The following PRDM5 variants were observed in gnomAD, a reference collection of about 807,000 sequenced individuals.
PRDM5 encodes the protein PR domain zinc finger protein 5.
Under a neutral mutation model 81.2 loss-of-function variants are expected in PRDM5, and 56 were observed. That is an observed-to-expected ratio of 0.69 (90% confidence interval 0.56 to 0.86). The LOEUF (loss-of-function observed/expected upper bound fraction) is 0.86, where lower values mean the gene tolerates loss of function less well. Among genes scored for constraint, PRDM5 ranks in the 40% least tolerant of loss-of-function variants. PRDM5 has a pLI of 0.00. For missense variants in PRDM5, 697 were observed against 770.1 expected, an observed-to-expected ratio of 0.91 and a Z score of 1.12; for synonymous variants, 267 against 256.4, an observed-to-expected ratio of 1.04 and a Z score of -0.39.
intron 1 of PRDM5, among the ~76,000 whole-genome samples, chr4:120,908,544 C>T (rs1460386713): frequency 2.0e-5 from 3 of 152,140 alleles, no homozygotes; most frequent in African/African-American, 7.2e-5. Flanking sequence ...CTCCTGAGAA[C>T]AGTAAAATTT....
At chr4:120,784,142 T>G (rs1749426962) in intron 11 of PRDM5, among the ~76,000 whole-genome samples, 1 of 152,108 alleles carries the variant, frequency 6.6e-6, no homozygotes, top group South Asian at 2.1e-4. Context: ...CTTCAGCATC[T>G]AAACAGAGAA....
intron 1 of PRDM5, among the ~76,000 whole-genome samples, chr4:120,917,153 G>C (rs1724271661): frequency 6.6e-6 from 1 of 152,108 alleles, no homozygotes; most frequent in Non-Finnish European, 1.5e-5. Context: ...CTCCTCAACT[G>C]CTTGCTCATT....
At chr4:120,834,485 C>A (rs1757113080) in intron 3 of PRDM5, among the ~76,000 whole-genome samples, 1 of 152,180 alleles carries the variant, frequency 6.6e-6, no homozygotes, top group East Asian at 1.9e-4. Context: ...TGATCTTGGA[C>A]TTCCCAACCT....
At chr4:120,919,697 T>C (rs1015833570) in intron 1 of PRDM5, among the ~76,000 whole-genome samples, 1 of 152,232 alleles carries the variant, frequency 6.6e-6, no homozygotes, top group African/African-American at 2.4e-5. Flanking sequence ...TTAATCTGCA[T>C]AATACTTTGC....
chr4:120,847,844 T>C (rs997315284), intron 3 of PRDM5, among the ~76,000 whole-genome samples: 3 of 152,116 alleles, frequency 2.0e-5, no homozygotes, highest in African/African-American at 7.2e-5. Flanking sequence ...TACCGCTGGG[T>C]GAGACATGGA....
At chr4:120,831,850 G>T (rs1033476304) in intron 3 of PRDM5, among the ~76,000 whole-genome samples, 1 of 152,076 alleles carries the variant, frequency 6.6e-6, no homozygotes, top group Admixed American at 6.6e-5. Flanking sequence ...AATGTTTGAA[G>T]TATCAAGTCT....
intron 15 of PRDM5, among the ~76,000 whole-genome samples, chr4:120,697,205 A>G (rs1168749375): frequency 1.3e-5 from 2 of 152,286 alleles, no homozygotes; most frequent in East Asian, 3.9e-4. Flanking sequence ...ATACACAAAC[A>G]CTATTTTAAG....
At chr4:120,861,823 AAGG>A (rs1760634825) in intron 2 of PRDM5, among the ~76,000 whole-genome samples, 1 of 152,098 alleles carries the variant, frequency 6.6e-6, no homozygotes, top group African/African-American at 2.4e-5. Flanking sequence ...AACAAAAAAA[AAGG>A]AGAAGATGCT....
chr4:120,791,365 T>C (rs1214297035), intron 10 of PRDM5, among the ~76,000 whole-genome samples: 2 of 152,212 alleles, frequency 1.3e-5, no homozygotes, highest in Non-Finnish European at 2.9e-5. Context: ...GAATGATACA[T>C]ATGTGTCATA....
At chr4:120,807,124 G>A (rs549887814) in intron 8 of PRDM5, among the ~76,000 whole-genome samples, 22 of 152,326 alleles carry the variant, frequency 1.4e-4, no homozygotes, top group Non-Finnish European at 3.1e-4. Flanking sequence ...GGCCATCAGA[G>A]AAATGCAAAT....
chr4:120,704,891 T>C (rs539995246), intron 15 of PRDM5, among the ~76,000 whole-genome samples: 1 of 152,234 alleles, frequency 6.6e-6, no homozygotes, highest in South Asian at 2.1e-4. Flanking sequence ...ATGGCTCAGC[T>C]GGGGAAGTGA....
At chr4:120,719,397 C>T (rs557914231) in intron 14 of PRDM5, among the ~76,000 whole-genome samples, 6 of 152,276 alleles carry the variant, frequency 3.9e-5, no homozygotes, top group Admixed American at 6.5e-5. Flanking sequence ...ACAGCAATGC[C>T]AAAATGCTGT....
At chr4:120,731,443 T>A (rs1221768861) in intron 14 of PRDM5, among the ~76,000 whole-genome samples, 1 of 151,150 alleles carries the variant, frequency 6.6e-6, no homozygotes, top group Non-Finnish European at 1.5e-5. Flanking sequence ...GAGATGTCAG[T>A]TAAAGCAATA....
chr4:120,695,120 A>C lies in PRDM5; in HGVS notation c.1884T>G (p.Ala628=). Residue 628 remains alanine, a synonymous_variant, in exon 16 of 16, where the codon GCT becomes GCG. Coordinates refer to ENST00000264808, the MANE Select transcript of PRDM5 (RefSeq NM_018699.4). ...TCCTTTACAGCCCCTATTAGCTGTCAGCTACACCATGGATATTGTCCATGT... is the reference window on the plus strand; with the variant it reads ...TCCTTTACAGCCCCTATTAGCTGTCCGCTACACCATGGATATTGTCCATGT... ...KVHMDNIHGV[A]DS 6.2e-7 allele frequency: 1 copy of C among 1,613,034 alleles called. No homozygotes were observed. Among genetic ancestry groups the C allele is most frequent in the Non-Finnish European group, 8.5e-7 (1 of 1,179,144 alleles).
chr4:120,880,775 A>C (rs1762768562), intron 2 of PRDM5, among the ~76,000 whole-genome samples: 2 of 152,174 alleles, frequency 1.3e-5, no homozygotes, highest in African/African-American at 4.8e-5. Context: ...CCTTTAATAC[A>C]TTTACATCTA....
intron 12 of PRDM5, among the ~76,000 whole-genome samples, chr4:120,779,560 C>T (rs1748704564): frequency 6.6e-6 from 1 of 152,002 alleles, no homozygotes; most frequent in Admixed American, 6.6e-5. Context: ...ATACAGGAAC[C>T]CATATGCCCT....
At chr4:120,732,644 T>G (rs944780320) in intron 14 of PRDM5, among the ~76,000 whole-genome samples, 2 of 152,156 alleles carry the variant, frequency 1.3e-5, no homozygotes, top group Non-Finnish European at 2.9e-5. Flanking sequence ...AACATATTAC[T>G]AAAAATAAAA....
chr4:120,908,479 C>G (rs1367285697), intron 1 of PRDM5, among the ~76,000 whole-genome samples: 1 of 152,120 alleles, frequency 6.6e-6, no homozygotes, highest in Admixed American at 6.5e-5. Flanking sequence ...AAAAGATAAC[C>G]ACTAAGGCAA....
At chr4:120,747,389 C>G (rs2149130861) in intron 14 of PRDM5, among the ~76,000 whole-genome samples, 1 of 151,744 alleles carries the variant, frequency 6.6e-6, no homozygotes. Context: ...ACATATGTAA[C>G]TAACTTGCAC....
Sources: allele counts gnomAD v4.1 joint callset (sites outside exome capture counted in the v4.1 genomes callset), GRCh38; gene constraint gnomAD v4.1.1; transcripts MANE v1.5; gene names NCBI Gene and HGNC (gene_info 2026-07-23, HGNC 2026-07-21).